Variants in DNAJB1 observed in about 807,000 individuals in gnomAD.
DNAJB1 encodes dnaJ homolog subfamily B member 1.
DNAJB1 carries 14 observed loss-of-function variants against 24.0 expected under a neutral mutation model. The observed-to-expected ratio is 0.58, with a 90% CI of 0.39 to 0.91. The LOEUF (loss-of-function observed/expected upper bound fraction) is 0.91, where lower values mean the gene tolerates loss of function less well. Among genes scored for constraint, DNAJB1 ranks in the 40% least tolerant of loss-of-function variants. The pLI is 0.00. For synonymous variants in DNAJB1, 262 were observed against 174.4 expected (o/e 1.50, Z -3.96); for missense variants, 517 against 458.1 (o/e 1.13, Z -1.17).
chr19:14,529,246 G>T, exon 1 of DNAJB1: 1 of 296,490 alleles, frequency 3.4e-6, no homozygotes, highest in Non-Finnish European at 6.8e-6. Context: ...CTGTCATGTG[G>T]ATGCTGCCTT....
intron 1 of DNAJB1, among the ~76,000 whole-genome samples, chr19:14,547,607 C>T (rs2073348786): frequency 6.6e-6 from 1 of 151,912 alleles, no homozygotes; most frequent in African/African-American, 2.4e-5. Context: ...GGTAATCCAC[C>T]TGCCTTGGCC....
chr19:14,542,287 A>C (rs1226904887), intron 1 of DNAJB1, among the ~76,000 whole-genome samples: 3 of 149,076 alleles, frequency 2.0e-5, no homozygotes, highest in Non-Finnish European at 4.4e-5. Context: ...TTTTACCTAA[A>C]AGATTCCCTA....
chr19:14,530,686 C>G (rs968828631), upstream of DNAJB1: 1 of 152,122 alleles, frequency 6.6e-6, no homozygotes, highest in Middle Eastern at 3.2e-3. Flanking sequence ...GTCTTAGTTC[C>G]TAGCCACTAT....
chr19:14,518,112 G>A, intron 1 of DNAJB1, 27 bp downstream of exon 1: 1 of 1,453,642 alleles, frequency 6.9e-7, no homozygotes, highest in Non-Finnish European at 9.1e-7. Flanking sequence ...AAAAGGCGGG[G>A]CCGCGCCCCT....
upstream of DNAJB1, among the ~76,000 whole-genome samples, chr19:14,520,233 G>A (rs1032327708): frequency 2.0e-4 from 30 of 152,154 alleles, no homozygotes; most frequent in Non-Finnish European, 4.4e-5. Flanking sequence ...TTTCTTAGTG[G>A]TGGGCTCTTC....
At chr19:14,544,871 G>A (rs891628289) in intron 1 of DNAJB1, among the ~76,000 whole-genome samples, 1 of 152,060 alleles carries the variant, frequency 6.6e-6, no homozygotes, top group African/African-American at 2.4e-5. Flanking sequence ...GGGCTCCAGT[G>A]ATCCTCCTGC....
upstream of DNAJB1, chr19:14,529,703 C>T: frequency 6.2e-7 from 1 of 1,614,128 alleles, no homozygotes; most frequent in Non-Finnish European, 8.5e-7. Flanking sequence ...AGCCATGAAG[C>T]ATTACGAGGT....
At chr19:14,550,896 T>C (rs2073476573), upstream of DNAJB1, among the ~76,000 whole-genome samples, 1 of 151,888 alleles carries the variant, frequency 6.6e-6, no homozygotes, top group Non-Finnish European at 1.5e-5. Flanking sequence ...GGTGTCGAAC[T>C]CCTGACCTCA....
Position 14,516,581 on chromosome 19 carries a change from T to C in DNAJB1, c.677A>G (p.Gln226Arg). ...TKITFPKEGD[Q>R]TSNNIPADIV... ...ATCAGCTGGAATGTTGTTGGAGGTC[T>C]GGTCTCCTTCCTTGGGGAAAGTGAT... The change falls in exon 2 of 3, where the codon CAG (glutamine) becomes CGG (arginine). Residue 226 changes from glutamine (Q) to arginine (R), a missense_variant. Transcript: ENST00000254322. 6.2e-7 allele frequency: 1 copy of C among 1,614,234 alleles called. No homozygotes were observed. The highest frequency in any genetic ancestry group is 8.5e-7 in the Non-Finnish European group (1 of 1,180,042).
intron 1 of DNAJB1, chr19:14,517,267 TGCG>T: frequency 1.8e-6 from 1 of 543,190 alleles, no homozygotes; most frequent in Non-Finnish European, 3.3e-6. Flanking sequence ...AAAGGACTCA[TGCG>T]GTTAGGTGTT....
At chr19:14,528,365 G>A (rs2072483381) in intron 1 of DNAJB1, among the ~76,000 whole-genome samples, 1 of 151,282 alleles carries the variant, frequency 6.6e-6, no homozygotes, top group African/African-American at 2.4e-5. Context: ...TCAGCCTCCT[G>A]ATTAGCTGGG....
intron 1 of DNAJB1, among the ~76,000 whole-genome samples, chr19:14,543,504 T>C (rs1332730201): frequency 7.9e-6 from 1 of 126,872 alleles, no homozygotes; most frequent in Non-Finnish European, 1.6e-5. Context: ...AGTGGCGCGA[T>C]CTAGGCTCAC....
intron 1 of DNAJB1, among the ~76,000 whole-genome samples, chr19:14,540,090 C>T (rs185589179): frequency 0.016 from 2,238 of 139,438 alleles, 30 homozygotes; most frequent in Middle Eastern, 0.024. Flanking sequence ...GACGGAGTCT[C>T]GCTCTGTCGC....
upstream of DNAJB1, chr19:14,518,496 G>A (rs1471096777): frequency 8.3e-6 from 5 of 601,300 alleles, no homozygotes; most frequent in Admixed American, 1.8e-4. Context: ...CCCCCGCGGC[G>A]CCGGCCAATC....
intron 1 of DNAJB1, chr19:14,517,837 C>A (rs995207190): frequency 1.0e-5 from 3 of 297,042 alleles, no homozygotes; most frequent in African/African-American, 4.4e-5. Flanking sequence ...CCCGTCGTCA[C>A]CCCCGGCTCC....
chr19:14,517,113 G>C, intron 1 of DNAJB1, 67 bp from the exon 2 acceptor site: 1 of 1,504,220 alleles, frequency 6.6e-7, no homozygotes, highest in Non-Finnish European at 8.9e-7. Flanking sequence ...TTCCCTTACA[G>C]GGGGAAACAG....
upstream of DNAJB1, among the ~76,000 whole-genome samples, chr19:14,553,957 A>G (rs2073629112): frequency 6.6e-6 from 1 of 152,046 alleles, no homozygotes; most frequent in African/African-American, 2.4e-5. Flanking sequence ...TGTGCCCCAG[A>G]CTCGGGAGAT....
At chr19:14,543,452 T>G (rs2073196026) in intron 1 of DNAJB1, among the ~76,000 whole-genome samples, 1 of 63,870 alleles carries the variant, frequency 1.6e-5, no homozygotes, top group Non-Finnish European at 3.0e-5. Flanking sequence ...TTTTTTTTTT[T>G]TTTTGAGACG....
chr19:14,537,243 G>A (rs1405654787), intron 1 of DNAJB1, among the ~76,000 whole-genome samples: 2 of 136,884 alleles, frequency 1.5e-5, no homozygotes, highest in Non-Finnish European at 3.2e-5. Flanking sequence ...AGGAAGCGGC[G>A]GGCCTGGATG....
Sources: allele counts gnomAD v4.1 joint callset (sites outside exome capture counted in the v4.1 genomes callset), GRCh38; gene constraint gnomAD v4.1.1; transcripts MANE v1.5; gene names NCBI Gene and HGNC (gene_info 2026-07-23, HGNC 2026-07-21).